The following COL18A1 variants were observed in gnomAD, a reference collection of about 807,000 sequenced individuals.
The protein encoded by COL18A1 is collagen type XVIII alpha 1 chain.
COL18A1 carries 133 observed loss-of-function variants against 168.0 expected under a neutral mutation model. That is an observed-to-expected ratio of 0.79 (90% CI 0.69 to 0.91). The LOEUF is 0.91. Ranked by LOEUF, COL18A1 falls within the 40% of genes least tolerant of loss-of-function variation. The pLI, the probability that COL18A1 is intolerant of heterozygous loss-of-function variation, is 0.00. For synonymous variants in COL18A1, 949 were observed against 809.0 expected (o/e 1.17, Z -2.94); for missense variants, 2,126 against 1,925.4 (o/e 1.10, Z -1.95).
At chr21:45,413,256 C>G (rs1258435407) in intron 2 of COL18A1, among the ~76,000 whole-genome samples, 1 of 152,250 alleles carries the variant, frequency 6.6e-6, no homozygotes, top group Non-Finnish European at 1.5e-5. Context: ...CTGAGCCCCG[C>G]GCTGTGCCTG....
chr21:45,480,235 C>T (rs908697988), intron 11 of COL18A1, 79 bp downstream of exon 11: 62 of 1,127,762 alleles, frequency 5.5e-5, no homozygotes, highest in Non-Finnish European at 7.8e-5. Context: ...CCAGAAGTAT[C>T]AGCTCCACCC....
intron 5 of COL18A1, 48 bp from the exon 6 acceptor site, chr21:45,476,303 G>A (rs183626515): frequency 5.6e-6 from 9 of 1,612,430 alleles, no homozygotes; most frequent in East Asian, 4.5e-5. Context: ...AGTCTCCACC[G>A]GGCATCTGCC....
Position 45,475,507 on chromosome 21 carries a change from A to T in COL18A1, c.770A>T (p.Asp257Val), listed in dbSNP as rs773702907. 1 of 1,606,972 alleles carries T rather than the reference A, an allele frequency of 6.2e-7. No homozygotes were observed. Among genetic ancestry groups the T allele is most frequent in the Non-Finnish European group, 8.5e-7 (1 of 1,178,382 alleles). ...ASGDSGSGLG[D>V]ARELLREETG... is the part of the protein sequence containing the mutation. ...GGAGACTCTGGCAGCGGGCTCGGGG[A>T]CGCCCGGGAGCTTCTCAGGGAGGAG... The change falls in exon 5 of 42, where the codon GAC becomes GTC. Residue 257 changes from aspartate to valine, a missense_variant. Asp to Val is a radical substitution (Grantham distance 152). Coordinates refer to ENST00000651438, the MANE Select transcript of COL18A1 (RefSeq NM_001379500.1).
intron 2 of COL18A1, among the ~76,000 whole-genome samples, chr21:45,407,120 C>T (rs2033139981): frequency 6.6e-6 from 1 of 152,254 alleles, no homozygotes; most frequent in Admixed American, 6.5e-5. Flanking sequence ...AGGCTCCAGG[C>T]CACCCGCAGC....
chr21:45,436,508 G>A (rs919534691), intron 2 of COL18A1, among the ~76,000 whole-genome samples: 2 of 152,148 alleles, frequency 1.3e-5, no homozygotes, highest in African/African-American at 2.4e-5. Flanking sequence ...GAGGGCTTTC[G>A]GTTCGGCAAA....
rs752082823 is a variant in COL18A1, at chr21:45,473,963, A to G, written c.720A>G (p.Glu240=). Residue 240 remains glutamate (E), a synonymous_variant, in exon 4 of 42, where the codon GAA becomes GAG. Transcript: ENST00000651438. The surrounding 1 kb of genome is among the most constrained non-coding windows in gnomAD (Gnocchi z 4.0). ...GCCCCATGCACTGCCTGGACGAGGA[A>G]GGCGATGACTCAGATGGGGTGAGTG... ...QVSPMHCLDE[E]GDDSDGASGD... is the part of the protein sequence containing the mutation. 1.3e-6 allele frequency: 2 copies of G among 1,599,966 alleles called. No individual in the cohort carries two copies. Among genetic ancestry groups the G allele is most frequent in the East Asian group, 4.5e-5 (2 of 44,028 alleles).
intron 2 of COL18A1, chr21:45,467,369 G>T (rs1031380860): frequency 1.0e-6 from 1 of 985,446 alleles, no homozygotes; most frequent in East Asian, 1.1e-4. Context: ...CGGCGCTGTG[G>T]GGCATTTGCA....
rs367928373 is a variant in COL18A1 at position 45,489,497 on chromosome 21, C to T, written c.1935C>T (p.Gly645=). ...CTTTTTTCACTTAGGGGGATCCTGG[C>T]GTGCCTGGGCTGCCGGGGGCGAAGG... is the stretch of plus-strand genomic sequence containing the variant. ...PGLPGLKGDP[G]VPGLPGAKGE... The change falls in exon 19 of 42, where the codon GGC becomes GGT. Residue 645 remains glycine, a synonymous_variant. Coordinates refer to ENST00000651438, the MANE Select transcript of COL18A1 (RefSeq NM_001379500.1). The T allele has an allele frequency of 6.2e-6, 10 of 1,602,552 alleles. No homozygotes were observed. The highest frequency in any genetic ancestry group is 5.3e-5 in the African/African-American group (4 of 74,844).
rs145500214 is a variant in COL18A1, at chr21:45,487,369, C to T, written c.1834-78C>T. On this transcript the variant is annotated intron_variant, in intron 16 of 41. Transcript: ENST00000651438. ...CCCAAAGCATGTCCCACCCTCCTCT[C>T]GGGCAGTGCCACCCCAGGGAGGGGT... 617 of 1,535,170 alleles carry T rather than the reference C, an allele frequency of 4.0e-4. 6 individuals are homozygous for T. The African/African-American group carries it at 6.8e-3, about 17-fold the overall frequency.
At position 45,427,602 on chromosome 21, in the gene COL18A1, G is replaced by T. The variant is rs910994644; in HGVS notation, c.106+22129G>T. On this transcript the variant is annotated intron_variant, in intron 2 of 41. Transcript: ENST00000651438. ...ACACACCAGCACCACGGCGGGCGGG[G>T]AGCGGAATTCTCCAGGTGGGGTGGG... is the stretch of plus-strand genomic sequence containing the variant. Among the ~76,000 whole-genome samples the T allele has an allele frequency of 2.0e-5, 3 of 152,342 alleles. No homozygotes were observed. In the East Asian group the frequency reaches 5.8e-4, roughly 29 times the overall value.
intron 2 of COL18A1, among the ~76,000 whole-genome samples, chr21:45,411,778 A>AGGGGGGG (rs1569273645): frequency 8.3e-5 from 9 of 108,310 alleles, no homozygotes; most frequent in Admixed American, 2.1e-4. Context: ...GGGGGGGGGC[A>AGGGGGGG]GGCTGTGGTC....
chr21:45,473,371 T>C lies in COL18A1; in HGVS notation c.652-524T>C, dbSNP rs2236454. On this transcript the variant is annotated intron_variant, in intron 3 of 41. Coordinates refer to ENST00000651438, the MANE Select transcript of COL18A1 (RefSeq NM_001379500.1). The surrounding 1 kb of genome is among the most constrained non-coding windows in gnomAD (Gnocchi z 4.0). ...GGCGCAGAGATCCAGGAAACTCCCC[T>C]ACATCTGCGGCGTTTCTGTCCTTGG... Among the ~76,000 whole-genome samples, 76,266 of 152,178 alleles carry C rather than the reference T, an allele frequency of 0.5. 21,283 individuals carry two copies. Among genetic ancestry groups the C allele is most frequent in the African/African-American group, 0.76 (31,782 of 41,550 alleles).
intron 31 of COL18A1, 103 bp from the exon 32 acceptor site, chr21:45,497,496 C>A: frequency 7.0e-7 from 1 of 1,437,976 alleles, no homozygotes; most frequent in Non-Finnish European, 9.5e-7. Context: ...TGATGCCCCC[C>A]CATCCAGGCC....
At chr21:45,492,744 G>GCCTGCCACTGCCCT (rs1555870079) in intron 24 of COL18A1, 31 bp downstream of exon 24, 57 of 1,551,396 alleles carry the variant, frequency 3.7e-5, no homozygotes, top group East Asian at 3.4e-4. Context: ...GCTGCATGCT[G>GCCTGCCACTGCCCT]CCCGGCTGGG....
chr21:45,510,082 A>T lies in COL18A1; in HGVS notation c.3514A>T (p.Asn1172Tyr). Residue 1172 changes from asparagine (N) to tyrosine (Y), a missense_variant, in exon 40 of 42, where the codon AAC (asparagine) becomes TAC (tyrosine). Coordinates refer to ENST00000651438, the MANE Select transcript of COL18A1 (RefSeq NM_001379500.1). The stretch of plus-strand genomic sequence containing the variant: ...CCCGCAGCTCCACCTGGTTGCGCTC[A>T]ACAGCCCCCTGTCAGGCGGCATGCG... ...FQPVLHLVAL[N>Y]SPLSGGMRGI... 1 of 1,580,004 alleles carries T rather than the reference A, an allele frequency of 6.3e-7. No homozygotes were observed. Among genetic ancestry groups the T allele is most frequent in the South Asian group, 1.1e-5 (1 of 87,426 alleles).
chr21:45,438,266 A>T (rs1454335813), intron 2 of COL18A1, among the ~76,000 whole-genome samples: 2 of 116,052 alleles, frequency 1.7e-5, no homozygotes, highest in Admixed American at 1.6e-4. Flanking sequence ...ACACACTCAC[A>T]CTCAGACACA....
chr21:45,438,006 GCA>G (rs539516248), intron 2 of COL18A1, among the ~76,000 whole-genome samples: 9 of 33,614 alleles, frequency 2.7e-4, no homozygotes, highest in South Asian at 8.9e-4. Context: ...GCACTCTCCT[GCA>G]CACACACACT....
intron 20 of COL18A1, among the ~76,000 whole-genome samples, 156 bp downstream of exon 20, chr21:45,490,502 CTGGGCCTCCGTGTGCCCACTCCCGGGTCT>C (rs1182633831): frequency 2.1e-4 from 31 of 150,096 alleles, no homozygotes; most frequent in African/African-American, 4.2e-4. Context: ...TCCCGGGTCT[CTGGGCCTCCGTGTGCCCACTCCCGGGTCT>C]CTGGGCCTCC....
At chr21:45,456,386 C>G in intron 2 of COL18A1, 1 of 1,548,906 alleles carries the variant, frequency 6.5e-7, no homozygotes. Context: ...CTCTGGGCTC[C>G]CGGGCGCACT....
Sources: gnomAD v4.1 joint callset for allele counts (sites outside exome capture counted in the v4.1 genomes callset) on GRCh38, gnomAD v4.1.1 for gene constraint, Gnocchi (gnomAD v3.1) non-coding constraint, MANE v1.5 for transcripts, NCBI Gene and HGNC (gene_info 2026-07-23, HGNC 2026-07-21) for gene names.